Variants in BBS1 observed in about 807,000 individuals in gnomAD.
The protein encoded by BBS1 is BBSome complex member BBS1.
A neutral mutation model predicts 73.9 loss-of-function variants in BBS1; 60 were observed. That is an observed-to-expected ratio of 0.81 (90% CI 0.66 to 1.01). BBS1 has a LOEUF of 1.01. BBS1 is among the 50% of genes least tolerant of loss of function. BBS1 has a pLI of 0.00. For synonymous variants in BBS1, 283 were observed against 317.4 expected (o/e 0.89, Z 1.15); for missense variants, 718 against 770.3 (o/e 0.93, Z 0.80).
chr11:66,528,085 C>T (rs778347368), intron 13 of BBS1, among the ~76,000 whole-genome samples: 17 of 152,126 alleles, frequency 1.1e-4, no homozygotes, highest in African/African-American at 2.4e-4. Context: ...ACAAAATTAG[C>T]TGGGCATGGT....
rs1182606433 is a variant in BBS1, at chr11:66,533,396, T to A, written c.*1359T>A. The stretch of plus-strand genomic sequence containing the variant: ...CAGCTATTTTTAAAATGTGCTTATA[T>A]GACTCTTGCTTGATATATCAATCTT... On this transcript the variant is annotated 3_prime_UTR_variant, in exon 17 of 17. Transcript: ENST00000318312. The A allele has an allele frequency of 6.6e-6, 1 of 152,260 alleles. No individual in the cohort carries two copies. The highest frequency in any genetic ancestry group is 1.5e-5 in the Non-Finnish European group (1 of 68,052). The allele number at this position is 152,260 out of a possible 1,614,324, so 9.4% of individuals were successfully genotyped here. A position where few individuals can be genotyped will look rare whatever the true frequency, so the allele number is the denominator to read the frequency against.
In BBS1 at chr11:66,530,989, C is replaced by G; in HGVS notation, c.1569C>G (p.Tyr523Ter). The G allele has an allele frequency of 6.2e-7, 1 of 1,614,206 alleles. No individual in the cohort carries two copies. The highest frequency in any genetic ancestry group is 1.1e-5 in the South Asian group (1 of 91,088). ...TGGGGCTGCTGGTCTGCTTCCTGTA[C>G]AACGAGGCGCTCTATTCCCTGCCCC... ...PVLGLLVCFL[Y>*]NEALYSLPRA... Residue 523 changes from tyrosine (Y) to a stop codon, truncating the protein, a stop_gained, in exon 15 of 17, where the codon TAC (tyrosine) becomes TAG (stop). Transcript: ENST00000318312. LOFTEE classifies it high-confidence loss of function.
Position 66,533,435 on chromosome 11 carries a change from T to G in BBS1, c.*1398T>G, listed in dbSNP as rs1238285211. ...TATATCAATCTTAGACATTACCTGTTGACTCCCTGTTGTCATACATGAGGC... is the reference window on the plus strand; with the variant it reads ...TATATCAATCTTAGACATTACCTGTGGACTCCCTGTTGTCATACATGAGGC... On this transcript the variant is annotated 3_prime_UTR_variant, in exon 17 of 17. Transcript: ENST00000318312. The G allele has an allele frequency of 6.6e-6, 1 of 152,262 alleles. No individual in the cohort carries two copies. Among genetic ancestry groups the G allele is most frequent in the Non-Finnish European group, 1.5e-5 (1 of 68,052 alleles). 9.4% of individuals were successfully genotyped at this position (152,262 alleles called of 1,614,324 possible).
At chr11:66,517,069 G>C (rs766267945) in intron 7 of BBS1, among the ~76,000 whole-genome samples, 2 of 151,958 alleles carry the variant, frequency 1.3e-5, no homozygotes, top group African/African-American at 4.8e-5. Context: ...CATGGTAGCG[G>C]TCGCCTGTAC....
intron 7 of BBS1, 98 bp downstream of exon 7, chr11:66,516,031 C>A: frequency 8.3e-7 from 1 of 1,209,814 alleles, no homozygotes; most frequent in Non-Finnish European, 1.2e-6. Flanking sequence ...CAAACCCAAC[C>A]AGTATCTCTT....
Position 66,515,551 on chromosome 11 carries a change from C to T in BBS1, c.444C>T (p.Asp148=). The T allele has an allele frequency of 6.2e-7, 1 of 1,614,136 alleles. No individual in the cohort carries two copies. Among genetic ancestry groups the T allele is most frequent in the Non-Finnish European group, 8.5e-7 (1 of 1,180,020 alleles). ...CCACATTGTCACAGGACCGAATCGA[C>T]CCCTTAACCCTGAAGGAGATGCTGG... ...LWNQAKEDRI[D]PLTLKEMLES... is the part of the protein sequence containing the mutation. Residue 148 remains aspartate (D), a synonymous_variant, in exon 5 of 17, where the codon GAC becomes GAT. Transcript: ENST00000318312.
In BBS1 at chr11:66,516,867, A is replaced by G. The variant is rs145782923; in HGVS notation, c.591+934A>G. On this transcript the variant is annotated intron_variant, in intron 7 of 16. Transcript: ENST00000318312. The stretch of plus-strand genomic sequence containing the variant: ...CTGCTGTGCCCAGCTGTCTTTTTCA[A>G]TCTTGATGATAATCACACAATGAGC... Among the ~76,000 whole-genome samples, 208 of 152,160 alleles carry G rather than the reference A, an allele frequency of 1.4e-3. 2 individuals carry two copies. In the Middle Eastern group the frequency reaches 0.031, roughly 22 times the overall value.
chr11:66,519,713 G>A lies in BBS1; in HGVS notation c.688G>A (p.Val230Met). 1 of 1,613,748 alleles carries A rather than the reference G, an allele frequency of 6.2e-7. No homozygotes were observed. Among genetic ancestry groups the A allele is most frequent in the Non-Finnish European group, 8.5e-7 (1 of 1,179,984 alleles). Residue 230 changes from valine to methionine, a missense_variant, in exon 8 of 17, where the codon GTG becomes ATG. Coordinates refer to ENST00000318312, the MANE Select transcript of BBS1 (RefSeq NM_024649.5). The part of the protein sequence containing the change: ...VLGTENKELL[V>M]LDPEAFTILA... ...GGGCACCGAGAACAAGGAGCTCCTG[G>A]TGCTTGACCCCGAGGCCTTCACCAT...
chr11:66,526,300 G>C, intron 12 of BBS1, 108 bp downstream of exon 12: 1 of 1,180,848 alleles, frequency 8.5e-7, no homozygotes, highest in East Asian at 2.4e-5. Context: ...GGACCTGGGT[G>C]TGGAAAGTAA....
chr11:66,523,345 T>C, intron 9 of BBS1, 111 bp from the exon 10 acceptor site: 1 of 1,473,452 alleles, frequency 6.8e-7, no homozygotes, highest in Non-Finnish European at 9.5e-7. Context: ...TCATCTGCTT[T>C]GGGGCCAGTG....
intron 8 of BBS1, 165 bp from the exon 9 acceptor site, chr11:66,521,105 A>G (rs1459081703): frequency 4.4e-6 from 3 of 682,936 alleles, no homozygotes; most frequent in Non-Finnish European, 8.0e-6. Context: ...GCTTTTGCTA[A>G]ATGTTGCCCC....
At chr11:66,527,306 C>T (rs999254132) in intron 13 of BBS1, among the ~76,000 whole-genome samples, 2 of 151,912 alleles carry the variant, frequency 1.3e-5, no homozygotes, top group African/African-American at 4.8e-5. Context: ...ATTCATTCAT[C>T]GTTCGTTCAT....
intron 3 of BBS1, among the ~76,000 whole-genome samples, chr11:66,511,640 G>A (rs949279774): frequency 1.3e-5 from 2 of 152,086 alleles, no homozygotes; most frequent in East Asian, 3.9e-4. Context: ...GCTGGATAAT[G>A]GGATATATGG....
At chr11:66,524,742 T>G (rs1856409468) in intron 11 of BBS1, among the ~76,000 whole-genome samples, 1 of 152,136 alleles carries the variant, frequency 6.6e-6, no homozygotes, top group Non-Finnish European at 1.5e-5. Context: ...CCAGCAACAT[T>G]TTTAAAAATA....
At chr11:66,518,983 G>A (rs1283413726) in intron 7 of BBS1, among the ~76,000 whole-genome samples, 1 of 152,054 alleles carries the variant, frequency 6.6e-6, no homozygotes, top group Non-Finnish European at 1.5e-5. Flanking sequence ...AGCTGGTCTT[G>A]GACTCCTGGG....
Position 66,519,604 on chromosome 11 carries a change from A to T in BBS1, c.592-13A>T, listed in dbSNP as rs1856137488. The T allele has an allele frequency of 3.1e-6, 5 of 1,613,304 alleles. No homozygotes were observed. Among genetic ancestry groups the T allele is most frequent in the Admixed American group, 1.7e-5 (1 of 59,930 alleles). On this transcript the variant is annotated splice_polypyrimidine_tract_variant and intron_variant, in intron 7 of 16. Coordinates refer to ENST00000318312, the MANE Select transcript of BBS1 (RefSeq NM_024649.5). ...TGGAGGTTCCCTGGGTGACCCCTGG[A>T]GTCCTTCTGTAGACAGTCATCACCA...
intron 9 of BBS1, chr11:66,522,895 G>T (rs1856303507): frequency 2.9e-6 from 1 of 347,300 alleles, no homozygotes; most frequent in Non-Finnish European, 5.6e-6. Context: ...TGTGGAGATG[G>T]CTTGAAAGTT....
intron 13 of BBS1, chr11:66,528,944 G>A: frequency 2.0e-6 from 1 of 490,424 alleles, no homozygotes; most frequent in Non-Finnish European, 2.6e-6. Context: ...CTCCAGCCTG[G>A]GTAACAAGAG....
Position 66,519,593 on chromosome 11 carries a change from G to A in BBS1, c.592-24G>A, listed in dbSNP as rs58447882. On this transcript the variant is annotated intron_variant, in intron 7 of 16. Transcript: ENST00000318312. ...GGGGTGGTGTGTGGAGGTTCCCTGG[G>A]TGACCCCTGGAGTCCTTCTGTAGAC... The A allele has an allele frequency of 8.9e-4, 1,439 of 1,613,212 alleles. 12 individuals carry two copies. In the African/African-American group the frequency reaches 0.017, roughly 19 times the overall value.
Sources: allele counts gnomAD v4.1 joint callset (sites outside exome capture counted in the v4.1 genomes callset), GRCh38; gene constraint gnomAD v4.1.1; transcripts MANE v1.5; gene names NCBI Gene and HGNC (gene_info 2026-07-23, HGNC 2026-07-21).